Variants in EXOC6 observed in about 807,000 individuals in gnomAD.
EXOC6 encodes the protein exocyst complex component 6, also known as SEC15-like 1.
EXOC6 carries 60 observed loss-of-function variants against 112.5 expected under a neutral mutation model. The ratio of observed to expected loss-of-function variants is 0.53; its 90% CI spans 0.43 to 0.66. The LOEUF (loss-of-function observed/expected upper bound fraction) is 0.66. Ranked by LOEUF, EXOC6 falls within the 30% of genes least tolerant of loss-of-function variation. The probability of loss-of-function intolerance (pLI) is 0.00; values close to 1 mark genes in which losing one functional copy is unlikely to be tolerated. For synonymous variants in EXOC6, 295 were observed against 308.0 expected, an observed-to-expected ratio of 0.96 and a Z score of 0.44; for missense variants, 855 against 957.1, an observed-to-expected ratio of 0.89 and a Z score of 1.41.
chr10:92,966,281 A>AATTATTATTATTATT (rs35262709), intron 17 of EXOC6, among the ~76,000 whole-genome samples: 23 of 134,938 alleles, frequency 1.7e-4, no homozygotes, highest in Admixed American at 1.3e-3. Context: ...ATGTAATTAT[A>AATTATTATTATTATT]ATTATTATTA....
At chr10:93,056,574 A>C (rs1044632174) in intron 20 of EXOC6, among the ~76,000 whole-genome samples, 4 of 152,230 alleles carry the variant, frequency 2.6e-5, no homozygotes, top group African/African-American at 7.2e-5. Flanking sequence ...AGTAGCACCA[A>C]CCTTTATTAA....
At chr10:92,963,284 A>C (rs1854117015) in intron 17 of EXOC6, among the ~76,000 whole-genome samples, 1 of 152,134 alleles carries the variant, frequency 6.6e-6, no homozygotes, top group Admixed American at 6.6e-5. Flanking sequence ...TTAAATTTCG[A>C]TCTTCAGCTG....
intron 1 of EXOC6, among the ~76,000 whole-genome samples, chr10:92,875,568 A>G (rs750868589): frequency 1.3e-5 from 2 of 152,202 alleles, no homozygotes; most frequent in South Asian, 2.1e-4. Context: ...ACAGAATGCC[A>G]TGAGTACAAC....
At chr10:92,930,711 A>G (rs1363374966) in intron 9 of EXOC6, among the ~76,000 whole-genome samples, 2 of 152,198 alleles carry the variant, frequency 1.3e-5, no homozygotes, top group Non-Finnish European at 2.9e-5. Context: ...TTATTACTCT[A>G]TAATGTATTT....
At chr10:92,955,229 A>C (rs1253503830) in intron 16 of EXOC6, among the ~76,000 whole-genome samples, 1 of 152,140 alleles carries the variant, frequency 6.6e-6, no homozygotes, top group African/African-American at 2.4e-5. Context: ...ATAGTAGATA[A>C]AGATGTTAGA....
At chr10:93,017,480 T>A (rs919346726) in intron 20 of EXOC6, among the ~76,000 whole-genome samples, 1 of 151,968 alleles carries the variant, frequency 6.6e-6, no homozygotes, top group Non-Finnish European at 1.5e-5. Flanking sequence ...TCCCAGCTAC[T>A]TGGGGGGCTG....
At chr10:92,963,149 A>G (rs1167159545) in intron 17 of EXOC6, among the ~76,000 whole-genome samples, 1 of 152,230 alleles carries the variant, frequency 6.6e-6, no homozygotes, top group Admixed American at 6.5e-5. Context: ...ATATTTATTC[A>G]TCTTATGTTA....
chr10:93,057,170 C>T, intron 21 of EXOC6, 134 bp downstream of exon 21: 1 of 493,006 alleles, frequency 2.0e-6, no homozygotes, highest in Non-Finnish European at 3.5e-6. Flanking sequence ...GTTTAATGAC[C>T]AAAAAATAAG....
chr10:92,877,760 T>C (rs985958181), intron 1 of EXOC6, among the ~76,000 whole-genome samples: 3 of 152,204 alleles, frequency 2.0e-5, no homozygotes, highest in African/African-American at 7.2e-5. Context: ...GATATACTTA[T>C]ATGGCAAAAT....
chr10:92,961,496 G>A (rs2134041097), intron 17 of EXOC6, among the ~76,000 whole-genome samples: 1 of 152,190 alleles, frequency 6.6e-6, no homozygotes, highest in East Asian at 1.9e-4. Context: ...AGCAGATTGG[G>A]TAACAAATAT....
At chr10:92,849,019 G>A (rs759866608) in intron 1 of EXOC6, among the ~76,000 whole-genome samples, 6 of 152,144 alleles carry the variant, frequency 3.9e-5, no homozygotes, top group Non-Finnish European at 8.8e-5. Flanking sequence ...CTGCTCGGCC[G>A]CGGGCATGCC....
chr10:92,855,003 G>A (rs1045488732), intron 1 of EXOC6, among the ~76,000 whole-genome samples: 2 of 152,100 alleles, frequency 1.3e-5, no homozygotes, highest in Non-Finnish European at 2.9e-5. Flanking sequence ...TTTGGCCATA[G>A]TGTATAATCC....
At chr10:92,848,433 G>GCGCCC, upstream of EXOC6, 1 of 855,808 alleles carries the variant, frequency 1.2e-6, no homozygotes, top group Non-Finnish European at 1.4e-6. Flanking sequence ...CGGCCCGAGC[G>GCGCCC]CCCCGCCCCC....
At chr10:93,013,255 G>A (rs1017037736) in intron 19 of EXOC6, among the ~76,000 whole-genome samples, 2 of 152,044 alleles carry the variant, frequency 1.3e-5, no homozygotes, top group Non-Finnish European at 2.9e-5. Flanking sequence ...AGGAATCTGT[G>A]GAAATTTTAA....
intron 19 of EXOC6, among the ~76,000 whole-genome samples, chr10:93,011,873 A>G (rs944199453): frequency 1.3e-5 from 2 of 152,182 alleles, no homozygotes; most frequent in African/African-American, 4.8e-5. Flanking sequence ...ATACCACTGT[A>G]TGAAAGTATA....
At chr10:92,881,812 T>G (rs1031118210) in intron 1 of EXOC6, among the ~76,000 whole-genome samples, 1 of 152,154 alleles carries the variant, frequency 6.6e-6, no homozygotes, top group Non-Finnish European at 1.5e-5. Flanking sequence ...CTCCTGATAG[T>G]AAGTTCTCAC....
At chr10:92,970,754 C>T (rs1285582396) in intron 17 of EXOC6, among the ~76,000 whole-genome samples, 1 of 152,192 alleles carries the variant, frequency 6.6e-6, no homozygotes, top group African/African-American at 2.4e-5. Flanking sequence ...AATTCTTGTT[C>T]TAATCCTACT....
intron 12 of EXOC6, among the ~76,000 whole-genome samples, chr10:92,938,754 C>A (rs1021620194): frequency 6.6e-6 from 1 of 152,054 alleles, no homozygotes; most frequent in East Asian, 1.9e-4. Context: ...TCCTTGGCTT[C>A]AAGAAATTCA....
intron 14 of EXOC6, 82 bp downstream of exon 14, chr10:92,948,461 T>A (rs1853169956): frequency 1.2e-6 from 1 of 813,936 alleles, no homozygotes; most frequent in Non-Finnish European, 1.9e-6. Flanking sequence ...AATATTAAGC[T>A]GAGACTGTAA....
Sources: allele counts gnomAD v4.1 joint callset (sites outside exome capture counted in the v4.1 genomes callset), GRCh38; gene constraint gnomAD v4.1.1; transcripts MANE v1.5; gene names NCBI Gene and HGNC (gene_info 2026-07-23, HGNC 2026-07-21).